Variants in SLC10A7 observed in about 807,000 individuals in gnomAD.
The protein encoded by SLC10A7 is solute carrier family 10 member 7.
Under a neutral mutation model 43.2 loss-of-function variants are expected in SLC10A7, and 29 were observed. The observed-to-expected ratio is 0.67, with a 90% CI of 0.50 to 0.92. The LOEUF is 0.92. Ranked by LOEUF, SLC10A7 falls within the 40% of genes least tolerant of loss-of-function variation. The pLI is 0.00. For missense variants in SLC10A7, 295 were observed against 403.2 expected (o/e 0.73, Z 2.30); for synonymous variants, 152 against 144.8 (o/e 1.05, Z -0.35).
At chr4:146,487,619 G>A (rs1185190902) in intron 4 of SLC10A7, among the ~76,000 whole-genome samples, 1 of 152,174 alleles carries the variant, frequency 6.6e-6, no homozygotes, top group African/African-American at 2.4e-5. Context: ...CTTGAAGAAG[G>A]ATTCCATGAC....
At position 146,515,068 on chromosome 4, in the gene SLC10A7, T is replaced by A. The variant is rs2150054375; in HGVS notation, c.183+1970A>T. The A allele has an allele frequency of 4.3e-6, 3 of 700,182 alleles. No homozygotes were observed. The South Asian group carries it at 4.5e-5, about 10-fold the overall frequency. 43.4% of individuals were successfully genotyped at this position (700,182 alleles called of 1,614,324 possible). A position where few individuals can be genotyped will look rare whatever the true frequency, so the allele number is the denominator to read the frequency against. ...CAAAAGAAGTCAGTCCTTAGAGAAA[T>A]GCTGACAGCTGTGGCATTCTTCCTT... On this transcript the variant is annotated intron_variant, in intron 2 of 11. Coordinates refer to ENST00000335472, the MANE Select transcript of SLC10A7 (RefSeq NM_001029998.6).
intron 5 of SLC10A7, among the ~76,000 whole-genome samples, chr4:146,435,861 T>C (rs1030573956): frequency 6.6e-6 from 1 of 152,150 alleles, no homozygotes; most frequent in African/African-American, 2.4e-5. Flanking sequence ...TTTATATTTA[T>C]TTATTTTTAC....
rs1411030277 is a variant in SLC10A7, at chr4:146,491,218, G to C, written c.396+12631C>G. ...CCTTACTGTAGGTGCTGACAGATCA[G>C]GTGAGCTGACCACAAGCAGCAGAAG... On this transcript the variant is annotated intron_variant, in intron 4 of 11. Coordinates refer to ENST00000335472, the MANE Select transcript of SLC10A7 (RefSeq NM_001029998.6). Among the ~76,000 whole-genome samples, 4 of 152,122 alleles carry C rather than the reference G, an allele frequency of 2.6e-5. No individual in the cohort carries two copies. The South Asian group carries it at 8.3e-4, about 32-fold the overall frequency.
At chr4:146,424,412 G>A (rs1413897560) in intron 5 of SLC10A7, among the ~76,000 whole-genome samples, 1 of 152,122 alleles carries the variant, frequency 6.6e-6, no homozygotes. Flanking sequence ...TGTAATCCCA[G>A]CACTTTAGGA....
chr4:146,291,033 C>A (rs752255631), intron 9 of SLC10A7, among the ~76,000 whole-genome samples: 2 of 152,184 alleles, frequency 1.3e-5, no homozygotes, highest in Non-Finnish European at 2.9e-5. Flanking sequence ...ACACTTCTGC[C>A]ACCCATGCCT....
chr4:146,354,051 G>A (rs1735360004), intron 5 of SLC10A7, among the ~76,000 whole-genome samples: 1 of 146,394 alleles, frequency 6.8e-6, no homozygotes, highest in Non-Finnish European at 1.5e-5. Context: ...AATCAGGCAG[G>A]AGAAGGAAAT....
intron 2 of SLC10A7, among the ~76,000 whole-genome samples, chr4:146,510,306 C>CTGGA (rs1218318451): frequency 6.7e-6 from 1 of 149,804 alleles, no homozygotes; most frequent in Non-Finnish European, 1.5e-5. Flanking sequence ...GTCGCCCAGG[C>CTGGA]TGGAGTACAG....
chr4:146,510,065 A>G lies in SLC10A7; in HGVS notation c.184-16T>C. The G allele has an allele frequency of 6.3e-7, 1 of 1,587,510 alleles. No individual in the cohort carries two copies. The highest frequency in any genetic ancestry group is 1.2e-5 in the South Asian group (1 of 85,284). ...TGGTCAGCTCCTGGAAAAATTAAGG[A>G]AACAAAATAAACAAAGGTAAGAAAA... On this transcript the variant is annotated splice_polypyrimidine_tract_variant and intron_variant, in intron 2 of 11. Coordinates refer to ENST00000335472, the MANE Select transcript of SLC10A7 (RefSeq NM_001029998.6).
chr4:146,304,460 C>T (rs1347818868), intron 7 of SLC10A7, among the ~76,000 whole-genome samples: 3 of 152,146 alleles, frequency 2.0e-5, no homozygotes, highest in Non-Finnish European at 2.9e-5. Context: ...TCTTTGTTCT[C>T]GTTGGTTTCA....
chr4:146,285,880 G>A (rs929465363), intron 9 of SLC10A7, among the ~76,000 whole-genome samples: 8 of 150,036 alleles, frequency 5.3e-5, no homozygotes, highest in Non-Finnish European at 1.2e-4. Flanking sequence ...ACTTGGAGAG[G>A]TGAGAAAGAC....
intron 4 of SLC10A7, among the ~76,000 whole-genome samples, chr4:146,484,631 AATGTACAC>A (rs2149992852): frequency 6.6e-6 from 1 of 152,322 alleles, no homozygotes; most frequent in South Asian, 2.1e-4. Context: ...CTAGAGATCT[AATGTACAC>A]ATGAGGACAA....
chr4:146,478,517 T>C (rs1002862530), intron 4 of SLC10A7, among the ~76,000 whole-genome samples: 1 of 152,222 alleles, frequency 6.6e-6, no homozygotes, highest in Non-Finnish European at 1.5e-5. Context: ...TATTACAATA[T>C]GTAGCAGAAA....
At chr4:146,481,863 T>C (rs1734501323) in intron 4 of SLC10A7, among the ~76,000 whole-genome samples, 1 of 152,190 alleles carries the variant, frequency 6.6e-6, no homozygotes, top group Non-Finnish European at 1.5e-5. Context: ...GCCTTTGAGC[T>C]ATGCAGACCC....
intron 6 of SLC10A7, 149 bp from the exon 7 acceptor site, chr4:146,306,158 C>A: frequency 1.9e-6 from 1 of 513,436 alleles, no homozygotes. Context: ...CTCTAATTTT[C>A]TAAGTTCAAC....
At chr4:146,490,078 T>C (rs1437495724) in intron 4 of SLC10A7, among the ~76,000 whole-genome samples, 1 of 152,190 alleles carries the variant, frequency 6.6e-6, no homozygotes, top group African/African-American at 2.4e-5. Flanking sequence ...AGAATTCATG[T>C]CTCTCTTTAT....
intron 4 of SLC10A7, among the ~76,000 whole-genome samples, chr4:146,496,242 C>T (rs1302409089): frequency 6.6e-6 from 1 of 152,166 alleles, no homozygotes; most frequent in Non-Finnish European, 1.5e-5. Flanking sequence ...TGTAATATCA[C>T]ATTAAATGTA....
Position 146,293,979 on chromosome 4 carries a change from G to A in SLC10A7, c.672C>T (p.Asn224=), listed in dbSNP as rs144605423. The A allele has an allele frequency of 1.9e-6, 3 of 1,613,390 alleles. No homozygotes were observed. The highest frequency in any genetic ancestry group is 8.5e-7 in the Non-Finnish European group (1 of 1,179,506). The change falls in exon 8 of 12, where the codon AAC becomes AAT. Residue 224 remains asparagine (N), a synonymous_variant. Coordinates refer to ENST00000335472, the MANE Select transcript of SLC10A7 (RefSeq NM_001029998.6). ...TGAATTTATCCAGGTCAATATTTGGGTTAGAGAACGTGTCACAGAATGTTG... is the reference window on the plus strand; with the variant it reads ...TGAATTTATCCAGGTCAATATTTGGATTAGAGAACGTGTCACAGAATGTTG... The part of the protein sequence containing the change: ...IYTTFCDTFS[N]PNIDLDKFSL...
chr4:146,291,288 A>G (rs1011140276), intron 9 of SLC10A7, among the ~76,000 whole-genome samples: 1 of 152,242 alleles, frequency 6.6e-6, no homozygotes, highest in Non-Finnish European at 1.5e-5. Context: ...CAATTAAGTC[A>G]CATTTTCTCT....
At chr4:146,416,443 G>A (rs1331991598) in intron 5 of SLC10A7, among the ~76,000 whole-genome samples, 8 of 152,172 alleles carry the variant, frequency 5.3e-5, no homozygotes, top group South Asian at 2.1e-4. Flanking sequence ...GCTAGAAAGC[G>A]TGAACACATT....
Sources: allele counts gnomAD v4.1 joint callset (sites outside exome capture counted in the v4.1 genomes callset), GRCh38; gene constraint gnomAD v4.1.1; transcripts MANE v1.5; gene names NCBI Gene and HGNC (gene_info 2026-07-23, HGNC 2026-07-21).